OSBPL5: variants seen among roughly 807,000 people sequenced by gnomAD.
OSBPL5 encodes oxysterol-binding protein-related protein 5.
A neutral mutation model predicts 111.2 loss-of-function variants in OSBPL5; 71 were observed. The ratio of observed to expected loss-of-function variants is 0.64; its 90% CI spans 0.53 to 0.78. The LOEUF is 0.78. Among genes scored for constraint, OSBPL5 ranks in the 30% least tolerant of loss-of-function variants. The pLI is 0.00. For missense variants in OSBPL5, 1,210 were observed against 1,189.3 expected, an observed-to-expected ratio of 1.02 and a Z score of -0.26; for synonymous variants, 549 against 513.9, an observed-to-expected ratio of 1.07 and a Z score of -0.93.
intron 1 of OSBPL5, 27 bp from the exon 2 acceptor site, chr11:3,129,196 GGAGGTCACC>G: frequency 7.4e-7 from 1 of 1,359,978 alleles, no homozygotes; most frequent in Non-Finnish European, 9.5e-7. Flanking sequence ...AGGGGCAGCA[GGAGGTCACC>G]GCCCCGGAAG....
rs1333052816 is a variant in OSBPL5, at chr11:3,100,144, G to C, written c.1621+14C>G. 3 of 1,612,776 alleles carry C rather than the reference G, an allele frequency of 1.9e-6. No individual in the cohort carries two copies. The highest frequency in any genetic ancestry group is 1.3e-5 in the African/African-American group (1 of 75,014). ...CCTGGCTCTGCCCTCGGAGTGTGTG[G>C]CTGAGCCTCTCACCTTTGCAGTGGG... On this transcript the variant is annotated intron_variant, in intron 14 of 21. Transcript: ENST00000263650.
At chr11:3,151,331 G>A (rs947171519) in intron 1 of OSBPL5, among the ~76,000 whole-genome samples, 1 of 152,186 alleles carries the variant, frequency 6.6e-6, no homozygotes, top group Non-Finnish European at 1.5e-5. Context: ...CAGCCCCAGA[G>A]CACTCATGCC....
At chr11:3,120,812 G>A (rs1479223790) in intron 5 of OSBPL5, among the ~76,000 whole-genome samples, 188 bp from the exon 6 acceptor site, 1 of 152,200 alleles carries the variant, frequency 6.6e-6, no homozygotes, top group African/African-American at 2.4e-5. Flanking sequence ...GTGATGTCCT[G>A]TGTCTATCGT....
rs1262867241 is a variant in OSBPL5 at position 3,106,200 on chromosome 11, G to A, written c.1059+1063C>T. Among the ~76,000 whole-genome samples the A allele has an allele frequency of 6.6e-6, 1 of 152,180 alleles. No homozygotes were observed. The highest frequency in any genetic ancestry group is 2.4e-5 in the African/African-American group (1 of 41,444). On this transcript the variant is annotated intron_variant, in intron 9 of 21. Transcript: ENST00000263650. This position sits in a 1 kb window ranked among gnomAD's most constrained non-coding sequence, Gnocchi z 8.4. ...TGAACACAAGGATTTCACGGACCACGGAGGAGCCCCCTCTGTCCCTGTGCA... is the reference window on the plus strand; with the variant it reads ...TGAACACAAGGATTTCACGGACCACAGAGGAGCCCCCTCTGTCCCTGTGCA...
chr11:3,088,464 G>A lies in OSBPL5; in HGVS notation c.2502-121C>T, dbSNP rs113400509. 4.2e-3 allele frequency: 4,916 copies of A among 1,170,488 alleles called. 159 individuals are homozygous for A. The African/African-American group carries it at 0.07, about 17-fold the overall frequency. The allele number at this position is 1,170,488 out of a possible 1,614,324, so 72.5% of individuals were successfully genotyped here. A position where few individuals can be genotyped will look rare whatever the true frequency, so the allele number is the denominator to read the frequency against. ...CTGGACACAGGGCCGAGGTGGAGAT[G>A]GGATGGCCCTCCAGGGGCAACAGAG... On this transcript the variant is annotated intron_variant, in intron 21 of 21. Coordinates refer to ENST00000263650, the MANE Select transcript of OSBPL5 (RefSeq NM_020896.4).
intron 11 of OSBPL5, 36 bp from the exon 12 acceptor site, chr11:3,102,317 G>A (rs757216499): frequency 7.7e-6 from 12 of 1,556,180 alleles, no homozygotes; most frequent in Non-Finnish European, 9.6e-6. Flanking sequence ...GGAGCCAGGT[G>A]GGTAAGAGGT....
At position 3,113,673 on chromosome 11, in the gene OSBPL5, A is replaced by C. The variant is rs1858092868; in HGVS notation, c.692-5728T>G. Reference sequence around the variant, plus strand: ...CCGTCTCAAAAAAAAAAAAATTTATATTGGTTTAATAAAAATAGCTACATC... The same window carrying C: ...CCGTCTCAAAAAAAAAAAAATTTATCTTGGTTTAATAAAAATAGCTACATC... On this transcript the variant is annotated intron_variant, in intron 7 of 21. Coordinates refer to ENST00000263650, the MANE Select transcript of OSBPL5 (RefSeq NM_020896.4). This position sits in a 1 kb window ranked among gnomAD's most constrained non-coding sequence, Gnocchi z 4.8. 6.6e-6 allele frequency among the ~76,000 whole-genome samples: 1 copy of C among 152,010 alleles called. No homozygotes were observed. Among genetic ancestry groups the C allele is most frequent in the Non-Finnish European group, 1.5e-5 (1 of 67,992 alleles).
chr11:3,097,148 G>T (rs1045870082), intron 14 of OSBPL5, among the ~76,000 whole-genome samples: 1 of 44,004 alleles, frequency 2.3e-5, no homozygotes, highest in Non-Finnish European at 5.3e-5. Flanking sequence ...GGAGGAGGAG[G>T]AGAGGAAAAG....
chr11:3,117,251 C>T (rs1324132074), intron 7 of OSBPL5, among the ~76,000 whole-genome samples: 1 of 146,962 alleles, frequency 6.8e-6, no homozygotes, highest in African/African-American at 2.5e-5. Flanking sequence ...GGCCTCATAC[C>T]TCATCTACAC....
chr11:3,100,694 C>G (rs1857423286), intron 13 of OSBPL5, among the ~76,000 whole-genome samples: 1 of 152,108 alleles, frequency 6.6e-6, no homozygotes, highest in African/African-American at 2.4e-5. Flanking sequence ...ACCTGGGACC[C>G]CCTCCCAGAC....
rs1857516554 is a variant in OSBPL5, at chr11:3,103,175, A to G, written c.1326+64T>C. 2.8e-6 allele frequency: 4 copies of G among 1,445,636 alleles called. No homozygotes were observed. In the African/African-American group the frequency reaches 5.7e-5, roughly 20 times the overall value. 89.6% of individuals were successfully genotyped at this position (1,445,636 alleles called of 1,614,324 possible). On this transcript the variant is annotated intron_variant, in intron 11 of 21. Transcript: ENST00000263650. ...CGGGGACTCAGGGAAGTGCCAAGGG[A>G]CGAGGGCTGAGCAGACAGACTCCTG...
At chr11:3,152,557 T>G (rs1297804567) in intron 1 of OSBPL5, among the ~76,000 whole-genome samples, 1 of 152,064 alleles carries the variant, frequency 6.6e-6, no homozygotes, top group African/African-American at 2.4e-5. Context: ...GGATCCCATG[T>G]GGAACAGCAG....
chr11:3,150,072 AG>A (rs1564864910), intron 1 of OSBPL5, among the ~76,000 whole-genome samples: 2 of 152,178 alleles, frequency 1.3e-5, no homozygotes, highest in Non-Finnish European at 2.9e-5. Flanking sequence ...ACACACACAC[AG>A]CAAATCAGGA....
Position 3,092,585 on chromosome 11 carries a change from G to T in OSBPL5, c.2133-27C>A. 6.4e-7 allele frequency: 1 copy of T among 1,558,258 alleles called. No homozygotes were observed. The highest frequency in any genetic ancestry group is 8.7e-7 in the Non-Finnish European group (1 of 1,148,418). ...TGGAGGGTCCAGAGGGCGTTCATCA[G>T]CACAGGCAGTGGCCCTCAGGTGAGG... is the stretch of plus-strand genomic sequence containing the variant. On this transcript the variant is annotated intron_variant, in intron 18 of 21. Transcript: ENST00000263650. The surrounding 1 kb of genome is among the most constrained non-coding windows in gnomAD (Gnocchi z 5.4).
At chr11:3,091,659 G>C (rs1480491858) in intron 19 of OSBPL5, among the ~76,000 whole-genome samples, 1 of 152,120 alleles carries the variant, frequency 6.6e-6, no homozygotes, top group Non-Finnish European at 1.5e-5. Flanking sequence ...AGACATAGGG[G>C]GTGCATCTGT....
Position 3,093,681 on chromosome 11 carries a change from C to T in OSBPL5, c.1810-18G>A, listed in dbSNP as rs73413560. 250 of 1,613,140 alleles carry T rather than the reference C, an allele frequency of 1.5e-4. 1 individual carries two copies. The African/African-American group carries it at 2.5e-3, about 16-fold the overall frequency. On this transcript the variant is annotated intron_variant, in intron 16 of 21. Transcript: ENST00000263650. ...TCCCTGTCCTGCCCCAGATGGCCAG[C>T]GGGGTCAGAGGCTGGCCTGGCGTTG... is the stretch of plus-strand genomic sequence containing the variant.
intron 7 of OSBPL5, among the ~76,000 whole-genome samples, chr11:3,112,037 GTGTGCGCGCATGTGTGTGCA>G (rs1564837374): frequency 5.9e-5 from 6 of 101,620 alleles, no homozygotes; most frequent in African/African-American, 2.0e-4. Context: ...GTGTGTGTAT[GTGTGCGCGCATGTGTGTGCA>G]TGTGTATGTG....
chr11:3,126,504 G>A lies in OSBPL5; in HGVS notation c.188C>T (p.Pro63Leu), dbSNP rs773935542. Residue 63 changes from proline (P) to leucine (L), a missense_variant, in exon 3 of 22, where the codon CCG becomes CTG. Pro to Leu is a moderately conservative substitution (Grantham distance 98). Transcript: ENST00000263650. The surrounding 1 kb of genome is among the most constrained non-coding windows in gnomAD (Gnocchi z 6.5). ...GPSLPRDEGP[P>L]TPSSATKVPP... ...CACCTTCGTGGCAGAGCTTGGGGTC[G>A]GGGGCCCTTCATCCCTGGGCAGCGA... 3.9e-5 allele frequency: 63 copies of A among 1,608,102 alleles called. No individual in the cohort carries two copies. The highest frequency in any genetic ancestry group is 2.5e-4 in the Admixed American group (15 of 59,636).
intron 1 of OSBPL5, among the ~76,000 whole-genome samples, chr11:3,156,664 A>G (rs1475093854): frequency 1.3e-5 from 2 of 152,338 alleles, no homozygotes; most frequent in Middle Eastern, 3.4e-3. Context: ...GTTATTCTGC[A>G]TGGTTCCCGT....
Sources: allele counts gnomAD v4.1 joint callset (sites outside exome capture counted in the v4.1 genomes callset), GRCh38; gene constraint gnomAD v4.1.1; non-coding constraint Gnocchi (gnomAD v3.1); transcripts MANE v1.5; gene names NCBI Gene and HGNC (gene_info 2026-07-23, HGNC 2026-07-21).